The following FARS2 variants were observed in gnomAD, a reference collection of about 807,000 sequenced individuals.
The protein encoded by FARS2 is phenylalanine--tRNA ligase, mitochondrial.
FARS2 carries 40 observed loss-of-function variants against 46.4 expected under a neutral mutation model. The ratio of observed to expected loss-of-function variants is 0.86; its 90% CI spans 0.67 to 1.12. The LOEUF (loss-of-function observed/expected upper bound fraction) is 1.12. Among genes scored for constraint, FARS2 ranks in the 50% most tolerant of loss-of-function variants. The pLI, the probability that FARS2 is intolerant of heterozygous loss-of-function variation, is 0.00. For missense variants in FARS2, 513 were observed against 567.9 expected, an observed-to-expected ratio of 0.90 and a Z score of 0.98; for synonymous variants, 234 against 214.9, an observed-to-expected ratio of 1.09 and a Z score of -0.78.
At chr6:5,598,223 CA>C (rs199879642) in intron 5 of FARS2, among the ~76,000 whole-genome samples, 17 of 148,042 alleles carry the variant, frequency 1.1e-4, no homozygotes, top group African/African-American at 3.2e-4. Context: ...CCCGTCTCTG[CA>C]AAAAAAAAAT....
chr6:5,440,618 A>G (rs941273159), intron 4 of FARS2, among the ~76,000 whole-genome samples: 2 of 152,252 alleles, frequency 1.3e-5, no homozygotes, highest in East Asian at 1.9e-4. Flanking sequence ...ACCCTTACCA[A>G]TATTGAACAT....
chr6:5,519,658 T>C (rs1310342279), intron 4 of FARS2, among the ~76,000 whole-genome samples: 2 of 152,152 alleles, frequency 1.3e-5, no homozygotes, highest in African/African-American at 4.8e-5. Context: ...CAAGTATCCA[T>C]TTTCTTAAAC....
At chr6:5,325,246 T>G (rs767473912) in intron 1 of FARS2, among the ~76,000 whole-genome samples, 1 of 152,192 alleles carries the variant, frequency 6.6e-6, no homozygotes, top group Non-Finnish European at 1.5e-5. Flanking sequence ...ATAGAGGAAC[T>G]GCTGACATCC....
chr6:5,559,416 CA>C (rs979674316), intron 5 of FARS2, among the ~76,000 whole-genome samples: 2 of 152,056 alleles, frequency 1.3e-5, no homozygotes, highest in East Asian at 3.9e-4. Flanking sequence ...AGCAAACAAA[CA>C]AAAAAACAGT....
At chr6:5,264,835 C>G (rs1192147698) in intron 1 of FARS2, among the ~76,000 whole-genome samples, 2 of 152,188 alleles carry the variant, frequency 1.3e-5, no homozygotes, top group Non-Finnish European at 2.9e-5. Context: ...TCTCTGTTTA[C>G]TAAGCTGGAG....
intron 1 of FARS2, among the ~76,000 whole-genome samples, chr6:5,289,019 C>T (rs1767322934): frequency 6.6e-6 from 1 of 152,208 alleles, no homozygotes; most frequent in Non-Finnish European, 1.5e-5. Flanking sequence ...ACATTTACTA[C>T]ACTTTCTTCA....
intron 6 of FARS2, among the ~76,000 whole-genome samples, chr6:5,668,716 G>A (rs1412491130): frequency 1.5e-5 from 2 of 131,216 alleles, no homozygotes; most frequent in Admixed American, 7.7e-5. Context: ...TTTTTGAGAT[G>A]GAGTTTGTCT....
chr6:5,419,827 G>A (rs34269790), intron 3 of FARS2, among the ~76,000 whole-genome samples: 23,994 of 152,130 alleles, frequency 0.16, 2,555 homozygotes, highest in East Asian at 0.46. Context: ...CCCACAGTGT[G>A]CCATCCTGCA....
intron 1 of FARS2, among the ~76,000 whole-genome samples, chr6:5,354,013 CTT>C (rs10712602): frequency 6.1e-5 from 9 of 146,470 alleles, no homozygotes; most frequent in Admixed American, 1.4e-4. Flanking sequence ...GTGATAAAAT[CTT>C]TTTTTTTTTC....
chr6:5,520,220 A>C (rs1487113487), intron 4 of FARS2, among the ~76,000 whole-genome samples: 1 of 152,060 alleles, frequency 6.6e-6, no homozygotes, highest in African/African-American at 2.4e-5. Flanking sequence ...TAAATTTAAT[A>C]ATGTTATTAT....
chr6:5,383,429 C>G (rs1439659488), intron 2 of FARS2, among the ~76,000 whole-genome samples: 1 of 152,208 alleles, frequency 6.6e-6, no homozygotes, highest in Non-Finnish European at 1.5e-5. Flanking sequence ...TGTTATTCTC[C>G]AGAATAACAC....
intron 2 of FARS2, among the ~76,000 whole-genome samples, chr6:5,391,186 A>G (rs2432794): frequency 0.15 from 22,534 of 152,168 alleles, 2,582 homozygotes; most frequent in African/African-American, 0.32. Context: ...GAGTGATAGT[A>G]TATATTCCAT....
At chr6:5,317,634 GC>G (rs1374307450) in intron 1 of FARS2, among the ~76,000 whole-genome samples, 2 of 152,006 alleles carry the variant, frequency 1.3e-5, no homozygotes, top group Non-Finnish European at 1.5e-5. Context: ...ACAAAAATTA[GC>G]TGGGCATGGT....
At chr6:5,581,666 G>T (rs1479886632) in intron 5 of FARS2, among the ~76,000 whole-genome samples, 1 of 152,210 alleles carries the variant, frequency 6.6e-6, no homozygotes, top group Non-Finnish European at 1.5e-5. Flanking sequence ...GCCTCTGCAC[G>T]TTGGGACATG....
chr6:5,276,569 G>A (rs1432006068), intron 1 of FARS2, among the ~76,000 whole-genome samples: 3 of 152,200 alleles, frequency 2.0e-5, no homozygotes, highest in Admixed American at 1.3e-4. Context: ...CAGGAACTAA[G>A]AATTGGAGGC....
At chr6:5,735,149 A>G (rs912882767) in intron 6 of FARS2, among the ~76,000 whole-genome samples, 3 of 152,226 alleles carry the variant, frequency 2.0e-5, no homozygotes, top group African/African-American at 7.2e-5. Context: ...TTTTTACTCT[A>G]CGTACCCCTG....
chr6:5,356,775 T>C (rs548549038), intron 1 of FARS2, among the ~76,000 whole-genome samples: 1 of 152,376 alleles, frequency 6.6e-6, no homozygotes, highest in African/African-American at 2.4e-5. Flanking sequence ...CTTCACTGTT[T>C]GCTAATTTAG....
At chr6:5,305,114 A>G (rs1768604330) in intron 1 of FARS2, among the ~76,000 whole-genome samples, 1 of 152,164 alleles carries the variant, frequency 6.6e-6, no homozygotes, top group Admixed American at 6.5e-5. Context: ...TGTGTGGAGA[A>G]GGATTTTGAG....
At chr6:5,588,098 C>T (rs1459207557) in intron 5 of FARS2, among the ~76,000 whole-genome samples, 5 of 152,024 alleles carry the variant, frequency 3.3e-5, no homozygotes, top group African/African-American at 1.2e-4. Context: ...AATCGAGTTT[C>T]CCCTTACTGT....
Sources: gnomAD v4.1 joint callset for allele counts (sites outside exome capture counted in the v4.1 genomes callset) on GRCh38, gnomAD v4.1.1 for gene constraint, MANE v1.5 for transcripts, NCBI Gene and HGNC (gene_info 2026-07-23, HGNC 2026-07-21) for gene names.